TLL2: variants seen among roughly 807,000 people sequenced by gnomAD.
The protein encoded by TLL2 is tolloid-like protein 2.
A neutral mutation model predicts 123.0 loss-of-function variants in TLL2; 106 were observed. The observed-to-expected ratio is 0.86, with a 90% CI of 0.74 to 1.01. The LOEUF is 1.01. Among genes scored for constraint, TLL2 ranks in the 50% least tolerant of loss-of-function variants. The pLI is 0.00. For missense variants in TLL2, 1,332 were observed against 1,336.7 expected (o/e 1.00, Z 0.06); for synonymous variants, 494 against 516.8 (o/e 0.96, Z 0.60).
intron 2 of TLL2, among the ~76,000 whole-genome samples, chr10:96,453,775 T>C (rs1364643076): frequency 6.6e-6 from 1 of 152,214 alleles, no homozygotes; most frequent in East Asian, 1.9e-4. Context: ...TGATTCCATC[T>C]TTTCTTTAAA....
At chr10:96,396,518 G>A (rs1014661937) in intron 11 of TLL2, among the ~76,000 whole-genome samples, 2 of 151,172 alleles carry the variant, frequency 1.3e-5, no homozygotes, top group South Asian at 2.1e-4. Context: ...ATTTAAGGCC[G>A]AAGGACCCTT....
chr10:96,374,956 A>T, intron 18 of TLL2, among the ~76,000 whole-genome samples: 1 of 47,950 alleles, frequency 2.1e-5, no homozygotes, highest in South Asian at 1.2e-3. Context: ...ACAGGACATT[A>T]GTTGCGGGGG....
chr10:96,447,456 T>C (rs2861578), intron 2 of TLL2, among the ~76,000 whole-genome samples: 92,345 of 152,008 alleles, frequency 0.61, 28,442 homozygotes, highest in East Asian at 0.88. Flanking sequence ...AGGGTGGTGG[T>C]GTGGACCAGA....
intron 19 of TLL2, among the ~76,000 whole-genome samples, chr10:96,371,851 C>T (rs1206048474): frequency 6.6e-6 from 1 of 152,192 alleles, no homozygotes; most frequent in East Asian, 1.9e-4. Context: ...CCCCTGATTG[C>T]CACAGCTTTT....
chr10:96,484,461 T>A (rs535819736), intron 1 of TLL2, among the ~76,000 whole-genome samples: 1 of 152,270 alleles, frequency 6.6e-6, no homozygotes, highest in South Asian at 2.1e-4. Flanking sequence ...TCTGTATTCA[T>A]ATTCTGGCTT....
rs146182385 is a variant in TLL2 at position 96,365,184 on chromosome 10, C to T, written c.*2904G>A. ...ATTTGTGTCGGGCCATATTCAAAGC[C>T]GTCCTGGGCCAAGGGTTGGACAAGC... On this transcript the variant is annotated 3_prime_UTR_variant, in exon 21 of 21. Coordinates refer to ENST00000357947, the MANE Select transcript of TLL2 (RefSeq NM_012465.4). 562 of 152,204 alleles carry T rather than the reference C, an allele frequency of 3.7e-3. 1 individual carries two copies. Among genetic ancestry groups the T allele is most frequent in the African/African-American group, 0.012 (518 of 41,530 alleles). The allele number at this position is 152,204 out of a possible 1,614,324, so 9.4% of individuals were successfully genotyped here. A position where few individuals can be genotyped will look rare whatever the true frequency, so the allele number is the denominator to read the frequency against.
intron 4 of TLL2, 110 bp from the exon 5 acceptor site, chr10:96,428,858 G>A (rs1382220083): frequency 2.9e-6 from 2 of 681,056 alleles, no homozygotes; most frequent in Non-Finnish European, 4.9e-6. Flanking sequence ...AGGCTGGAGT[G>A]CAATAGTGCG....
chr10:96,378,937 C>T (rs750356401), intron 17 of TLL2, 30 bp downstream of exon 17: 2 of 1,610,566 alleles, frequency 1.2e-6, no homozygotes, highest in South Asian at 1.1e-5. Flanking sequence ...GGGCAGCCCG[C>T]CCCCCCAACA....
intron 8 of TLL2, among the ~76,000 whole-genome samples, chr10:96,411,387 T>C (rs754147966): frequency 1.3e-5 from 2 of 151,852 alleles, no homozygotes; most frequent in Admixed American, 6.6e-5. Flanking sequence ...GCTACTCACT[T>C]CTGAAAGAAC....
intron 17 of TLL2, 141 bp from the exon 18 acceptor site, chr10:96,376,960 C>A: frequency 1.3e-6 from 1 of 750,192 alleles, no homozygotes; most frequent in Non-Finnish European, 2.0e-6. Context: ...TATCCTGAAT[C>A]AGGTATCTCC....
chr10:96,385,019 G>A (rs971645748), intron 15 of TLL2, among the ~76,000 whole-genome samples: 9 of 152,226 alleles, frequency 5.9e-5, no homozygotes, highest in African/African-American at 2.2e-4. Flanking sequence ...CTGCATCCCC[G>A]TAATTGTAGC....
Position 96,476,857 on chromosome 10 carries a change from T to TACAC in TLL2, c.286+3488_286+3491dup, listed in dbSNP as rs56240059. 6.0e-3 allele frequency among the ~76,000 whole-genome samples: 702 copies of TACAC among 117,330 alleles called. 4 individuals carry two copies. Among genetic ancestry groups the TACAC allele is most frequent in the East Asian group, 0.027 (64 of 2,346 alleles). 77.0% of individuals were successfully genotyped at this position (117,330 alleles called of 152,430 possible). A position where few individuals can be genotyped will look rare whatever the true frequency, so the allele number is the denominator to read the frequency against. On this transcript the variant is annotated intron_variant, in intron 2 of 20. Transcript: ENST00000357947. The stretch of plus-strand genomic sequence containing the variant: ...GTAAAATCCCTAATCCCTTTTATGT[T>TACAC]ACACACACACACACACACACACACA...
intron 2 of TLL2, among the ~76,000 whole-genome samples, chr10:96,448,294 C>T (rs907539226): frequency 3.3e-5 from 5 of 152,214 alleles, no homozygotes; most frequent in Non-Finnish European, 7.3e-5. Context: ...ATCATTTCCT[C>T]TCGGGCTAAA....
chr10:96,497,704 C>CT (rs1324416123), intron 1 of TLL2, among the ~76,000 whole-genome samples: 3 of 152,242 alleles, frequency 2.0e-5, no homozygotes, highest in Admixed American at 2.0e-4. Flanking sequence ...TGTCTCACCT[C>CT]TCCTGTTTGT....
chr10:96,419,524 A>T (rs991341529), intron 7 of TLL2, among the ~76,000 whole-genome samples: 2 of 151,440 alleles, frequency 1.3e-5, no homozygotes, highest in African/African-American at 4.9e-5. Flanking sequence ...GAAAAGAGCC[A>T]GGAGAAGGTC....
chr10:96,513,766 G>A lies in TLL2; in HGVS notation c.-81C>T. 1 of 1,367,044 alleles carries A rather than the reference G, an allele frequency of 7.3e-7. No individual in the cohort carries two copies. The highest frequency in any genetic ancestry group is 9.6e-7 in the Non-Finnish European group (1 of 1,046,304). 84.7% of individuals were successfully genotyped at this position (1,367,044 alleles called of 1,614,324 possible). On this transcript the variant is annotated 5_prime_UTR_variant, in exon 1 of 21. Coordinates refer to ENST00000357947, the MANE Select transcript of TLL2 (RefSeq NM_012465.4). ...GCCGAAAGACGGCGCACACTGGGTC[G>A]GTCGGCTCCGGCCGGGACTCGGTGG...
chr10:96,413,098 G>T, intron 8 of TLL2, 94 bp downstream of exon 8: 1 of 1,540,760 alleles, frequency 6.5e-7, no homozygotes, highest in Non-Finnish European at 8.8e-7. Flanking sequence ...CCAAGGAATA[G>T]TCCCTTTAGG....
At chr10:96,410,592 GT>G in intron 8 of TLL2, 118 bp from the exon 9 acceptor site, 1 of 789,198 alleles carries the variant, frequency 1.3e-6, no homozygotes, top group Non-Finnish European at 2.2e-6. Flanking sequence ...CTCGGAACAG[GT>G]TGGTGAGAAG....
intron 1 of TLL2, among the ~76,000 whole-genome samples, chr10:96,496,886 G>C (rs988589128): frequency 2.0e-5 from 3 of 152,224 alleles, no homozygotes; most frequent in African/African-American, 7.2e-5. Context: ...ATAGGAAAGA[G>C]AGCCACGATC....
Sources: gnomAD v4.1 joint callset for allele counts (sites outside exome capture counted in the v4.1 genomes callset) on GRCh38, gnomAD v4.1.1 for gene constraint, MANE v1.5 for transcripts, NCBI Gene and HGNC (gene_info 2026-07-23, HGNC 2026-07-21) for gene names.